Variants in PHKG2 observed in about 807,000 individuals in gnomAD.
The protein encoded by PHKG2 is phosphorylase b kinase gamma catalytic chain, liver/testis isoform.
Under a neutral mutation model 44.5 loss-of-function variants are expected in PHKG2, and 28 were observed. The ratio of observed to expected loss-of-function variants is 0.63; its 90% CI spans 0.47 to 0.86. The LOEUF is 0.86. Ranked by LOEUF, PHKG2 falls within the 40% of genes least tolerant of loss-of-function variation. The pLI is 0.00. For missense variants in PHKG2, 498 were observed against 547.5 expected, an observed-to-expected ratio of 0.91 and a Z score of 0.90; for synonymous variants, 220 against 211.2, an observed-to-expected ratio of 1.04 and a Z score of -0.36.
chr16:30,753,192 T>C (rs1335317309), intron 4 of PHKG2, 40 bp from the exon 5 acceptor site: 1 of 1,518,928 alleles, frequency 6.6e-7, no homozygotes, highest in African/African-American at 1.4e-5. Context: ...CAGCCCCCAC[T>C]GTGGGATGCA....
Position 30,756,699 on chromosome 16 carries a change from C to G in PHKG2, c.911C>G (p.Pro304Arg), listed in dbSNP as rs781099286. 1.9e-6 allele frequency: 3 copies of G among 1,614,082 alleles called. No individual in the cohort carries two copies. Among genetic ancestry groups the G allele is most frequent in the Middle Eastern group, 1.6e-4 (1 of 6,062 alleles). The change falls in exon 9 of 10, where the codon CCC becomes CGC. Residue 304 changes from proline (P) to arginine (R), a missense_variant. Transcript: ENST00000563588. ...CEGSQPWNLTPRQRFRVAVWT... is the reference protein window; with the variant it reads ...CEGSQPWNLTRRQRFRVAVWT... Reference sequence around the variant, plus strand: ...GGCAGCCAACCCTGGAACCTCACCCCCCGCCAGCGGTTCCGGGTAAGCCTG... The same window carrying G: ...GGCAGCCAACCCTGGAACCTCACCCGCCGCCAGCGGTTCCGGGTAAGCCTG...
At position 30,759,160 on chromosome 16, in the gene PHKG2, C is replaced by T; in HGVS notation, c.*2063C>T. Reference sequence around the variant, plus strand: ...CAGGCCTGGCCCAGCCCAGCCCTGCCCTGGCACTCTCCCTTACCCGTCTCA... The same window carrying T: ...CAGGCCTGGCCCAGCCCAGCCCTGCTCTGGCACTCTCCCTTACCCGTCTCA... On this transcript the variant is annotated 3_prime_UTR_variant, in exon 10 of 10. Coordinates refer to ENST00000563588, the MANE Select transcript of PHKG2 (RefSeq NM_000294.3). 1 of 1,614,198 alleles carries T rather than the reference C, an allele frequency of 6.2e-7. No individual in the cohort carries two copies. Among genetic ancestry groups the T allele is most frequent in the Non-Finnish European group, 8.5e-7 (1 of 1,180,046 alleles).
chr16:30,751,943 A>C, intron 4 of PHKG2: 3 of 324,916 alleles, frequency 9.2e-6, no homozygotes, highest in Non-Finnish European at 1.2e-5. Flanking sequence ...AATACAAAAA[A>C]TCAGCCGGGC....
intron 3 of PHKG2, 131 bp downstream of exon 3, chr16:30,751,412 T>C (rs761392044): frequency 3.9e-6 from 5 of 1,297,660 alleles, no homozygotes; most frequent in Non-Finnish European, 4.5e-6. Flanking sequence ...TGGCCATCCG[T>C]TGGGCGCCCA....
Position 30,751,221 on chromosome 16 carries a change from C to G in PHKG2, c.211C>G (p.Arg71Gly). 1 of 1,613,324 alleles carries G rather than the reference C, an allele frequency of 6.2e-7. No homozygotes were observed. Among genetic ancestry groups the G allele is most frequent in the Non-Finnish European group, 8.5e-7 (1 of 1,180,010 alleles). The change falls in exon 3 of 10, where the codon CGG (arginine) becomes GGG (glycine). Residue 71 changes from arginine (R) to glycine (G), a missense_variant. Physicochemically the swap from Arg to Gly is moderately radical, Grantham distance 125 (BLOSUM62 -2). Transcript: ENST00000563588. ...GAGTCCTGAGCAGCTGGAGGAGGTGCGGGAAGCCACACGGCGAGAGACACA... is the reference window on the plus strand; with the variant it reads ...GAGTCCTGAGCAGCTGGAGGAGGTGGGGGAAGCCACACGGCGAGAGACACA... ...RLSPEQLEEV[R>G]EATRRETHIL...
At chr16:30,749,180 G>GT in intron 2 of PHKG2, among the ~76,000 whole-genome samples, 1 of 141,186 alleles carries the variant, frequency 7.1e-6, no homozygotes, top group Non-Finnish European at 1.5e-5. Context: ...TGCTGGTGGT[G>GT]GTGCTGGTGG....
chr16:30,748,868 C>T lies in PHKG2; in HGVS notation c.48C>T (p.Ala16=), dbSNP rs747851738. The change falls in exon 2 of 10, where the codon GCC becomes GCT. Residue 16 remains alanine, a synonymous_variant. Coordinates refer to ENST00000563588, the MANE Select transcript of PHKG2 (RefSeq NM_000294.3). ...GPEDELPDWA[A]AKEFYQKYDP... ...AGGATGAGCTGCCCGACTGGGCCGC[C>T]GCCAAAGAGTTTTACCAGAAGTACG... The T allele has an allele frequency of 1.9e-6, 3 of 1,554,584 alleles. No individual in the cohort carries two copies. Among genetic ancestry groups the T allele is most frequent in the Non-Finnish European group, 2.6e-6 (3 of 1,148,636 alleles).
chr16:30,757,970 G>A lies in PHKG2; in HGVS notation c.*873G>A, dbSNP rs2053490573. On this transcript the variant is annotated 3_prime_UTR_variant, in exon 10 of 10. Transcript: ENST00000563588. Reference sequence around the variant, plus strand: ...AGTGATACCTAGCACATAGGATTGAGGGAGGATTAAATGAGTTAATTTATG... The same window carrying A: ...AGTGATACCTAGCACATAGGATTGAAGGAGGATTAAATGAGTTAATTTATG... 1 of 402,526 alleles carries A rather than the reference G, an allele frequency of 2.5e-6. No homozygotes were observed. Among genetic ancestry groups the A allele is most frequent in the Non-Finnish European group, 4.0e-6 (1 of 250,888 alleles). The allele number at this position is 402,526 out of a possible 1,614,324, so 24.9% of individuals were successfully genotyped here.
rs1399470142 is a variant in PHKG2, at chr16:30,759,660, T to A, written c.*2563T>A. On this transcript the variant is annotated 3_prime_UTR_variant, in exon 10 of 10. Transcript: ENST00000563588. ...ATGTTCCAGGGGAACTGACCCTGACTCCATGGCAAAAAAGGACACTGGTGA... is the reference window on the plus strand; with the variant it reads ...ATGTTCCAGGGGAACTGACCCTGACACCATGGCAAAAAAGGACACTGGTGA... 6.2e-7 allele frequency: 1 copy of A among 1,613,190 alleles called. No homozygotes were observed. The highest frequency in any genetic ancestry group is 8.5e-7 in the Non-Finnish European group (1 of 1,179,768).
In PHKG2 at chr16:30,753,147, C is replaced by A; in HGVS notation, c.327-85C>A. ...AGAGATCTATCTTTAGTGGCCTCTT[C>A]CACAATATTTTGTATGAGCACTGGT... On this transcript the variant is annotated intron_variant, in intron 4 of 9. Coordinates refer to ENST00000563588, the MANE Select transcript of PHKG2 (RefSeq NM_000294.3). 2 of 1,075,180 alleles carry A rather than the reference C, an allele frequency of 1.9e-6. 1 individual carries two copies. Among genetic ancestry groups the A allele is most frequent in the East Asian group, 4.8e-5 (2 of 41,762 alleles). The allele number at this position is 1,075,180 out of a possible 1,614,324, so 66.6% of individuals were successfully genotyped here.
intron 4 of PHKG2, chr16:30,752,877 T>TGTGCA (rs2053370136): frequency 2.7e-6 from 1 of 365,038 alleles, no homozygotes; most frequent in Non-Finnish European, 5.1e-6. Context: ...AAGGTCCTAT[T>TGTGCA]CAACCTTTGT....
Position 30,751,155 on chromosome 16 carries a change from G to A in PHKG2, c.145G>A (p.Glu49Lys), listed in dbSNP as rs776935753. Residue 49 changes from glutamate to lysine, a missense_variant, in exon 3 of 10, where the codon GAG becomes AAG. Transcript: ENST00000563588. ...RRCVHRATGH[E>K]FAVKIMEVTA... ...TTGTGTTCATCGAGCTACTGGCCAC[G>A]AGTTTGCGGTGAAGATTATGGAAGT... 13 of 1,613,872 alleles carry A rather than the reference G, an allele frequency of 8.1e-6. No homozygotes were observed. The highest frequency in any genetic ancestry group is 6.6e-5 in the South Asian group (6 of 91,092).
chr16:30,749,478 G>A (rs946551711), intron 2 of PHKG2, among the ~76,000 whole-genome samples: 1 of 152,262 alleles, frequency 6.6e-6, no homozygotes, highest in South Asian at 2.1e-4. Flanking sequence ...CTCCCGAGTA[G>A]CTGGGATTAC....
Position 30,761,038 on chromosome 16 carries a change from TG to T in PHKG2, c.*3943del. 1.4e-6 allele frequency: 1 copy of T among 739,036 alleles called. No individual in the cohort carries two copies. The highest frequency in any genetic ancestry group is 2.2e-6 in the Non-Finnish European group (1 of 453,464). 45.8% of individuals were successfully genotyped at this position (739,036 alleles called of 1,614,324 possible). On this transcript the variant is annotated 3_prime_UTR_variant, in exon 10 of 10. Coordinates refer to ENST00000563588, the MANE Select transcript of PHKG2 (RefSeq NM_000294.3). The stretch of plus-strand genomic sequence containing the variant: ...TTCTCACACTGCCTCCTCTTTGGAC[TG>T]GAGAGGCTGGAAAGCCAACTTCCAG...
intron 6 of PHKG2, chr16:30,755,358 G>T (rs561226666): frequency 6.3e-6 from 1 of 157,830 alleles, no homozygotes; most frequent in East Asian, 1.9e-4. Context: ...TTTAAACAAA[G>T]GACTTACCCA....
At position 30,757,709 on chromosome 16, in the gene PHKG2, G is replaced by T; in HGVS notation, c.*612G>T. On this transcript the variant is annotated 3_prime_UTR_variant, in exon 10 of 10. Transcript: ENST00000563588. ...GAGGAGAGATGCTGTCTGGCAATGG[G>T]GGGATGGTCCCTAGTTGGGCAAACA... The T allele has an allele frequency of 6.4e-7, 1 of 1,551,868 alleles. No homozygotes were observed. The highest frequency in any genetic ancestry group is 8.7e-7 in the Non-Finnish European group (1 of 1,148,042).
intron 6 of PHKG2, among the ~76,000 whole-genome samples, chr16:30,755,814 T>C (rs530419520): frequency 1.4e-4 from 22 of 152,294 alleles, no homozygotes; most frequent in African/African-American, 4.6e-4. Flanking sequence ...TTATGATGTA[T>C]GTAAAAATAC....
At chr16:30,751,686 C>T in intron 4 of PHKG2, 83 bp downstream of exon 4, 3 of 1,140,072 alleles carry the variant, frequency 2.6e-6, no homozygotes, top group Non-Finnish European at 4.0e-6. Flanking sequence ...GTGGGCTGGA[C>T]CCATCCTGCT....
chr16:30,759,326 G>T lies in PHKG2; in HGVS notation c.*2229G>T. ...GGGCGGTTGAGGGTGGCTCCTCATGGTCCACCACCCCCTACCTGGGGTGTG... is the reference window on the plus strand; with the variant it reads ...GGGCGGTTGAGGGTGGCTCCTCATGTTCCACCACCCCCTACCTGGGGTGTG... On this transcript the variant is annotated 3_prime_UTR_variant, in exon 10 of 10. Transcript: ENST00000563588. 1 of 1,612,928 alleles carries T rather than the reference G, an allele frequency of 6.2e-7. No homozygotes were observed. Among genetic ancestry groups the T allele is most frequent in the Non-Finnish European group, 8.5e-7 (1 of 1,179,046 alleles).
Sources: gnomAD v4.1 joint callset for allele counts (sites outside exome capture counted in the v4.1 genomes callset) on GRCh38, gnomAD v4.1.1 for gene constraint, MANE v1.5 for transcripts, NCBI Gene and HGNC (gene_info 2026-07-23, HGNC 2026-07-21) for gene names.